FAM169A: variants seen among roughly 807,000 people sequenced by gnomAD.
FAM169A encodes family with sequence similarity 169 member A.
FAM169A carries 24 observed loss-of-function variants against 75.7 expected under a neutral mutation model. The ratio of observed to expected loss-of-function variants is 0.32; its 90% CI spans 0.23 to 0.45. FAM169A has a LOEUF of 0.45. Ranked by LOEUF, FAM169A falls within the 20% of genes least tolerant of loss-of-function variation. The pLI is 1.00. For missense variants in FAM169A, 673 were observed against 784.0 expected, an observed-to-expected ratio of 0.86 and a Z score of 1.69; for synonymous variants, 271 against 271.0, an observed-to-expected ratio of 1.00 and a Z score of 0.00.
intron 1 of FAM169A, 50 bp downstream of exon 1, chr5:74,866,115 C>G: frequency 3.3e-6 from 3 of 909,086 alleles, no homozygotes; most frequent in Non-Finnish European, 3.9e-6. Flanking sequence ...CCGGCGCGGC[C>G]GTCTCGGCCT....
At chr5:74,806,151 C>T (rs1486642424) in intron 6 of FAM169A, among the ~76,000 whole-genome samples, 4 of 151,846 alleles carry the variant, frequency 2.6e-5, no homozygotes, top group Admixed American at 2.0e-4. Context: ...GATATATAAA[C>T]GGACTGGGAG....
At chr5:74,851,435 G>C (rs1381116749) in intron 1 of FAM169A, among the ~76,000 whole-genome samples, 1 of 152,212 alleles carries the variant, frequency 6.6e-6, no homozygotes, top group Non-Finnish European at 1.5e-5. Context: ...GTGCTCAACA[G>C]TTGGAACACA....
chr5:74,817,933 T>C (rs1385664743), intron 5 of FAM169A, among the ~76,000 whole-genome samples: 1 of 152,178 alleles, frequency 6.6e-6, no homozygotes, highest in Non-Finnish European at 1.5e-5. Context: ...CGAATGCTGC[T>C]AGTACAACTA....
At chr5:74,844,813 T>A (rs1380522394) in intron 1 of FAM169A, among the ~76,000 whole-genome samples, 2 of 152,212 alleles carry the variant, frequency 1.3e-5, no homozygotes, top group Non-Finnish European at 2.9e-5. Context: ...TGAGACTCCG[T>A]CTCAAAAAAA....
intron 5 of FAM169A, among the ~76,000 whole-genome samples, chr5:74,820,121 A>C (rs550559238): frequency 6.7e-6 from 1 of 149,574 alleles, no homozygotes; most frequent in South Asian, 2.1e-4. Context: ...CAGCCTCCCT[A>C]GTAGCTGGGA....
At chr5:74,849,276 T>G (rs1012990744) in intron 1 of FAM169A, among the ~76,000 whole-genome samples, 11 of 152,152 alleles carry the variant, frequency 7.2e-5, no homozygotes, top group African/African-American at 2.7e-4. Flanking sequence ...AAGAAAAGCA[T>G]GAAAAGAGTT....
At position 74,804,613 on chromosome 5, in the gene FAM169A, T is replaced by C. The variant is rs1180454478; in HGVS notation, c.800-8A>G. On this transcript the variant is annotated splice_polypyrimidine_tract_variant and splice_region_variant and intron_variant, in intron 7 of 12. Transcript: ENST00000687041. ...GTTCATTTTGAGAAAGTGCTGCGTA[T>C]AGAAGAATTTTAAAAACTGTAACCG... The C allele has an allele frequency of 4.7e-6, 7 of 1,476,532 alleles. No homozygotes were observed. Among genetic ancestry groups the C allele is most frequent in the African/African-American group, 2.8e-5 (2 of 71,668 alleles). 91.5% of individuals were successfully genotyped at this position (1,476,532 alleles called of 1,614,324 possible).
intron 10 of FAM169A, 24 bp downstream of exon 10, chr5:74,800,856 A>G (rs1246126472): frequency 7.6e-7 from 1 of 1,322,136 alleles, no homozygotes; most frequent in South Asian, 2.4e-5. Context: ...ATAAAAAATG[A>G]GAGTAAAATC....
At chr5:74,812,313 G>A (rs1192624545) in intron 6 of FAM169A, among the ~76,000 whole-genome samples, 6 of 151,998 alleles carry the variant, frequency 3.9e-5, no homozygotes, top group Non-Finnish European at 7.4e-5. Context: ...TTTTTGTAGC[G>A]ATGGGGTTTT....
At chr5:74,791,077 G>A (rs2100034) in intron 11 of FAM169A, among the ~76,000 whole-genome samples, 10,444 of 152,166 alleles carry the variant, frequency 0.069, 813 homozygotes, top group African/African-American at 0.19. Flanking sequence ...AAAGCAGTGC[G>A]GCAGTGGGCT....
chr5:74,820,254 C>T (rs1334499916), intron 5 of FAM169A, among the ~76,000 whole-genome samples: 1 of 152,000 alleles, frequency 6.6e-6, no homozygotes, highest in African/African-American at 2.4e-5. Context: ...CCTCAGCCTC[C>T]CAAAGTGTTG....
chr5:74,864,554 C>T (rs1750211437), intron 1 of FAM169A, among the ~76,000 whole-genome samples: 1 of 152,176 alleles, frequency 6.6e-6, no homozygotes, highest in African/African-American at 2.4e-5. Flanking sequence ...TAAATAAATA[C>T]CACTTGTAAT....
intron 1 of FAM169A, among the ~76,000 whole-genome samples, chr5:74,862,074 T>G (rs921085419): frequency 1.7e-4 from 26 of 152,312 alleles, no homozygotes; most frequent in Admixed American, 9.2e-4. Flanking sequence ...GTGTCTCAAC[T>G]CTAGCCCCTC....
At chr5:74,854,287 C>G (rs1749594211) in intron 1 of FAM169A, among the ~76,000 whole-genome samples, 1 of 151,870 alleles carries the variant, frequency 6.6e-6, no homozygotes, top group East Asian at 1.9e-4. Context: ...CTTAACTACT[C>G]AAGAGGCTGA....
intron 11 of FAM169A, among the ~76,000 whole-genome samples, chr5:74,790,864 T>A (rs1034084788): frequency 6.6e-6 from 1 of 152,158 alleles, no homozygotes; most frequent in African/African-American, 2.4e-5. Flanking sequence ...TGGTGGCAGG[T>A]TGATTACACT....
intron 11 of FAM169A, among the ~76,000 whole-genome samples, chr5:74,792,883 G>C (rs750817217): frequency 2.6e-5 from 4 of 152,156 alleles, no homozygotes; most frequent in Non-Finnish European, 5.9e-5. Context: ...ATTTGATTGA[G>C]CAATCCCACT....
intron 1 of FAM169A, among the ~76,000 whole-genome samples, chr5:74,842,040 C>A (rs551192901): frequency 6.6e-6 from 1 of 150,822 alleles, no homozygotes; most frequent in Non-Finnish European, 1.5e-5. Context: ...TAAAAGGACA[C>A]GAGAACTTGT....
intron 5 of FAM169A, among the ~76,000 whole-genome samples, chr5:74,819,060 A>G (rs1747638052): frequency 6.6e-6 from 1 of 152,070 alleles, no homozygotes; most frequent in African/African-American, 2.4e-5. Flanking sequence ...CTCCACTAAA[A>G]ATACAAAAAT....
chr5:74,858,392 A>G (rs546821890), intron 1 of FAM169A, among the ~76,000 whole-genome samples: 1 of 152,296 alleles, frequency 6.6e-6, no homozygotes, highest in South Asian at 2.1e-4. Flanking sequence ...CATCTCAAAA[A>G]AACAAAAAAA....
Sources: gnomAD v4.1 joint callset for allele counts (sites outside exome capture counted in the v4.1 genomes callset) on GRCh38, gnomAD v4.1.1 for gene constraint, MANE v1.5 for transcripts, NCBI Gene and HGNC (gene_info 2026-07-23, HGNC 2026-07-21) for gene names.